BAZ1A: variants seen among roughly 807,000 people sequenced by gnomAD.
BAZ1A encodes the protein bromodomain adjacent to zinc finger domain 1A, also known as bromodomain adjacent to zinc finger domain protein 1A.
BAZ1A carries 50 observed loss-of-function variants against 185.2 expected under a neutral mutation model. The ratio of observed to expected loss-of-function variants is 0.27; its 90% CI spans 0.22 to 0.34. The LOEUF (loss-of-function observed/expected upper bound fraction) is 0.34. Among genes scored for constraint, BAZ1A ranks in the 10% least tolerant of loss-of-function variants. The pLI is 1.00. For synonymous variants in BAZ1A, 571 were observed against 615.6 expected (o/e 0.93, Z 1.07); for missense variants, 1,356 against 1,839.9 (o/e 0.74, Z 4.81).
At chr14:34,831,193 T>C (rs1210664007) in intron 3 of BAZ1A, among the ~76,000 whole-genome samples, 1 of 152,202 alleles carries the variant, frequency 6.6e-6, no homozygotes. Flanking sequence ...TCTATTCTCC[T>C]AGGAACTTTA....
chr14:34,807,500 A>T lies in BAZ1A; in HGVS notation c.677T>A (p.Leu226His), dbSNP rs745845743. The stretch of plus-strand genomic sequence containing the variant: ...TGGTTCACAGTGTTGCTTCAGAAAA[A>T]GCTTTAGTTTATCACGAGAAAATAG... ...KHLFSRDKLK[L>H]FLKQHCEPQD... Residue 226 changes from leucine to histidine, a missense_variant, in exon 6 of 27, where the codon CTT becomes CAT. Leu to His is a moderately conservative substitution (Grantham distance 99). Around this residue, in one of 7 missense-constraint regions of BAZ1A, gnomAD observed 332 missense variants for 395.3 expected, o/e 0.84. Coordinates refer to ENST00000360310, the MANE Select transcript of BAZ1A (RefSeq NM_013448.3). 8.1e-6 allele frequency: 13 copies of T among 1,612,994 alleles called. No individual in the cohort carries two copies. The Admixed American group carries it at 1.0e-4, about 12-fold the overall frequency.
chr14:34,797,137 A>C (rs2138645258), intron 9 of BAZ1A, among the ~76,000 whole-genome samples: 1 of 152,350 alleles, frequency 6.6e-6, no homozygotes, highest in African/African-American at 2.4e-5. Flanking sequence ...ATTCCACTTA[A>C]GATTATTTAA....
At chr14:34,757,493 T>A (rs943026060) in intron 25 of BAZ1A, among the ~76,000 whole-genome samples, 10 of 150,914 alleles carry the variant, frequency 6.6e-5, no homozygotes, top group Non-Finnish European at 1.3e-4. Context: ...GGTGAAACCC[T>A]GTCGCTAATA....
rs116181788 is a variant in BAZ1A, at chr14:34,822,675, G to A, written c.536+3338C>T. Reference sequence around the variant, plus strand: ...GCTTATTCACTTTTCTCATATCAAGGGTCTATTCCAAGTATCCGTATACAA... The same window carrying A: ...GCTTATTCACTTTTCTCATATCAAGAGTCTATTCCAAGTATCCGTATACAA... On this transcript the variant is annotated intron_variant, in intron 4 of 26. Coordinates refer to ENST00000360310, the MANE Select transcript of BAZ1A (RefSeq NM_013448.3). Among the ~76,000 whole-genome samples, 598 of 152,082 alleles carry A rather than the reference G, an allele frequency of 3.9e-3. 2 individuals are homozygous for A. Among genetic ancestry groups the A allele is most frequent in the African/African-American group, 0.014 (565 of 41,492 alleles).
rs1319794822 is a variant in BAZ1A at position 34,771,414 on chromosome 14, A to G, written c.3301+97T>C. On this transcript the variant is annotated intron_variant, in intron 21 of 26. Coordinates refer to ENST00000360310, the MANE Select transcript of BAZ1A (RefSeq NM_013448.3). ...ACATCTCAAGTTTTTAAGATTATCA[A>G]TTTCATTATGTCAGCCAATAAAGTT... 4.2e-6 allele frequency: 5 copies of G among 1,192,610 alleles called. No homozygotes were observed. The Admixed American group carries it at 9.8e-5, about 23-fold the overall frequency. The allele number at this position is 1,192,610 out of a possible 1,614,324, so 73.9% of individuals were successfully genotyped here. A position where few individuals can be genotyped will look rare whatever the true frequency, so the allele number is the denominator to read the frequency against.
rs972334920 is a variant in BAZ1A at position 34,875,189 on chromosome 14, G to A, written c.-110C>T. On this transcript the variant is annotated 5_prime_UTR_variant, in exon 1 of 27. Coordinates refer to ENST00000360310, the MANE Select transcript of BAZ1A (RefSeq NM_013448.3). ...CCACCTTCTCCACTACAAAGGCAAC[G>A]AGGGGAGACCCCGTCCTCCCAGGGG... The A allele has an allele frequency of 1.1e-5, 5 of 446,378 alleles. No homozygotes were observed. Among genetic ancestry groups the A allele is most frequent in the Non-Finnish European group, 2.3e-5 (5 of 221,698 alleles). The allele number at this position is 446,378 out of a possible 1,614,324, so 27.7% of individuals were successfully genotyped here.
At chr14:34,865,281 A>G (rs1034929693) in intron 2 of BAZ1A, among the ~76,000 whole-genome samples, 4 of 152,190 alleles carry the variant, frequency 2.6e-5, no homozygotes, top group African/African-American at 9.7e-5. Context: ...ATGGTTATAC[A>G]TATGCAAAAG....
intron 3 of BAZ1A, among the ~76,000 whole-genome samples, chr14:34,854,677 T>G (rs185866677): frequency 6.6e-6 from 1 of 152,318 alleles, no homozygotes; most frequent in African/African-American, 2.4e-5. Context: ...AGGATGTCAT[T>G]TGTCCAACAA....
intron 3 of BAZ1A, among the ~76,000 whole-genome samples, chr14:34,858,104 A>C (rs1201454425): frequency 8.4e-5 from 3 of 35,824 alleles, no homozygotes; most frequent in Admixed American, 2.7e-4. Context: ...GAAACCACCA[A>C]CAACAAAATA....
At chr14:34,759,184 T>TTGTTTTTTTTTTG (rs1555336967) in intron 24 of BAZ1A, among the ~76,000 whole-genome samples, 18 of 108,106 alleles carry the variant, frequency 1.7e-4, no homozygotes, top group Non-Finnish European at 2.9e-4. Context: ...TTTTTTTTTT[T>TTGTTTTTTTTTTG]TTTTTTTTTT....
At chr14:34,842,064 T>C (rs920342536) in intron 3 of BAZ1A, among the ~76,000 whole-genome samples, 2 of 152,210 alleles carry the variant, frequency 1.3e-5, no homozygotes, top group Admixed American at 1.3e-4. Context: ...CACTAGAATC[T>C]AAGTCACAAG....
At chr14:34,764,481 G>A (rs1271331182) in intron 23 of BAZ1A, among the ~76,000 whole-genome samples, 1 of 151,718 alleles carries the variant, frequency 6.6e-6, no homozygotes, top group Non-Finnish European at 1.5e-5. Flanking sequence ...TAGTAGAGAC[G>A]GGGTTTCACC....
chr14:34,866,242 G>A (rs184049871), intron 2 of BAZ1A, among the ~76,000 whole-genome samples: 3 of 152,038 alleles, frequency 2.0e-5, no homozygotes, highest in Admixed American at 6.6e-5. Context: ...CCACCACTTT[G>A]GAAGATTGAG....
intron 3 of BAZ1A, among the ~76,000 whole-genome samples, chr14:34,832,427 G>C (rs555368327): frequency 7.5e-6 from 1 of 134,102 alleles, no homozygotes; most frequent in East Asian, 2.1e-4. Flanking sequence ...AGAGATGGCA[G>C]AATATATGAA....
intron 4 of BAZ1A, among the ~76,000 whole-genome samples, chr14:34,814,042 CA>C (rs34049193): frequency 4.0e-3 from 473 of 118,408 alleles, no homozygotes; most frequent in Admixed American, 7.6e-3. Context: ...GAGTCTGTAT[CA>C]AAAAAAAAAA....
chr14:34,753,760 T>G, intron 26 of BAZ1A, 56 bp from the exon 27 acceptor site: 1 of 1,328,744 alleles, frequency 7.5e-7, no homozygotes, highest in South Asian at 1.9e-5. Context: ...TTATAATAAA[T>G]ATAATTCTTG....
chr14:34,861,138 G>C (rs1011297319), intron 3 of BAZ1A, among the ~76,000 whole-genome samples: 1 of 150,982 alleles, frequency 6.6e-6, no homozygotes, highest in Non-Finnish European at 1.5e-5. Flanking sequence ...GTTTAAAATC[G>C]AGAAAAAAAA....
chr14:34,777,778 G>A (rs1879744473), intron 17 of BAZ1A, among the ~76,000 whole-genome samples: 1 of 151,678 alleles, frequency 6.6e-6, no homozygotes, highest in Non-Finnish European at 1.5e-5. Flanking sequence ...GATCACTTGA[G>A]GCCAGGAGTT....
At chr14:34,786,261 G>T in intron 12 of BAZ1A, 40 bp from the exon 13 acceptor site, 1 of 1,544,200 alleles carries the variant, frequency 6.5e-7, no homozygotes, top group Non-Finnish European at 8.8e-7. Context: ...GCAAATCAAA[G>T]CTTGAATATT....
Sources: allele counts gnomAD v4.1 joint callset (sites outside exome capture counted in the v4.1 genomes callset), GRCh38; gene constraint gnomAD v4.1.1; regional missense constraint gnomAD v4.1.1; transcripts MANE v1.5; gene names NCBI Gene and HGNC (gene_info 2026-07-23, HGNC 2026-07-21).